The following C10orf88 variants were observed in gnomAD, a reference collection of about 807,000 sequenced individuals.
C10orf88 encodes ATPase PAAT.
A neutral mutation model predicts 34.2 loss-of-function variants in C10orf88; 29 were observed. The ratio of observed to expected loss-of-function variants is 0.85; its 90% CI spans 0.63 to 1.16. The LOEUF (loss-of-function observed/expected upper bound fraction) is 1.16, where lower values mean the gene tolerates loss of function less well. C10orf88 is among the 50% of genes most tolerant of loss of function. C10orf88 has a pLI of 0.00. For synonymous variants in C10orf88, 194 were observed against 197.4 expected (o/e 0.98, Z 0.15); for missense variants, 507 against 533.2 (o/e 0.95, Z 0.48).
chr10:122,948,935 A>G, intron 3 of C10orf88, 80 bp from the exon 4 acceptor site: 1 of 1,226,800 alleles, frequency 8.2e-7, no homozygotes, highest in East Asian at 2.5e-5. Context: ...TATGACCTAA[A>G]CAAGAGTGAA....
chr10:122,951,568 A>C (rs1848689878), intron 3 of C10orf88, among the ~76,000 whole-genome samples: 1 of 152,136 alleles, frequency 6.6e-6, no homozygotes, highest in African/African-American at 2.4e-5. Context: ...ATTTAAAAAA[A>C]AAAAAATTTC....
intron 5 of C10orf88, among the ~76,000 whole-genome samples, chr10:122,934,336 C>A (rs118165281): frequency 0.035 from 5,269 of 152,228 alleles, 141 homozygotes; most frequent in Non-Finnish European, 0.053. Context: ...TATTGTCATA[C>A]CTACTCCCCT....
rs892535577 is a variant in C10orf88 at position 122,953,907 on chromosome 10, C to G, written c.164+108G>C. On this transcript the variant is annotated intron_variant, in intron 1 of 5. Transcript: ENST00000481909. ...TCCCCAACTAGAGACCTGGTACCAACTGCTCTCCCGGATCCCGGGCTCAGA... is the reference window on the plus strand; with the variant it reads ...TCCCCAACTAGAGACCTGGTACCAAGTGCTCTCCCGGATCCCGGGCTCAGA... 6 of 1,029,974 alleles carry G rather than the reference C, an allele frequency of 5.8e-6. No homozygotes were observed. In the African/African-American group the frequency reaches 1.1e-4, roughly 18 times the overall value. The allele number at this position is 1,029,974 out of a possible 1,614,324, so 63.8% of individuals were successfully genotyped here. A position where few individuals can be genotyped will look rare whatever the true frequency, so the allele number is the denominator to read the frequency against.
intron 4 of C10orf88, among the ~76,000 whole-genome samples, chr10:122,944,186 T>G (rs1281521961): frequency 2.0e-5 from 3 of 151,940 alleles, no homozygotes; most frequent in Non-Finnish European, 4.4e-5. Context: ...CATGGAATAC[T>G]ATGCAGCCAT....
chr10:122,949,085 T>C (rs990300834), intron 3 of C10orf88, among the ~76,000 whole-genome samples: 5 of 152,164 alleles, frequency 3.3e-5, no homozygotes, highest in African/African-American at 7.2e-5. Context: ...TAAGACTTCA[T>C]GTAAAATAAC....
chr10:122,948,980 T>G, intron 3 of C10orf88, 125 bp from the exon 4 acceptor site: 2 of 850,690 alleles, frequency 2.4e-6, no homozygotes, highest in Non-Finnish European at 3.5e-6. Context: ...TTCAAGTATA[T>G]TTTAAACTTT....
At chr10:122,940,909 TTACA>T (rs1191345461) in intron 4 of C10orf88, among the ~76,000 whole-genome samples, 3 of 152,090 alleles carry the variant, frequency 2.0e-5, no homozygotes, top group Admixed American at 1.3e-4. Flanking sequence ...GTCCATATAC[TTACA>T]AAGATATGTG....
At chr10:122,941,891 C>T (rs1240449130) in intron 4 of C10orf88, among the ~76,000 whole-genome samples, 1 of 151,998 alleles carries the variant, frequency 6.6e-6, no homozygotes, top group Non-Finnish European at 1.5e-5. Context: ...GGGGGAGAGC[C>T]TTCTGTGTTG....
intron 4 of C10orf88, among the ~76,000 whole-genome samples, chr10:122,947,754 G>C (rs1361707776): frequency 6.6e-6 from 1 of 151,924 alleles, no homozygotes; most frequent in East Asian, 1.9e-4. Context: ...TCCTCCTTTG[G>C]GCTGCATTTA....
chr10:122,935,989 T>C (rs540600439), intron 5 of C10orf88, among the ~76,000 whole-genome samples: 2 of 151,900 alleles, frequency 1.3e-5, no homozygotes, highest in African/African-American at 2.4e-5. Context: ...ACAGAATGAG[T>C]TGGAACATCT....
chr10:122,931,874 A>G lies in C10orf88; in HGVS notation c.*553T>C, dbSNP rs1478938899. 6.6e-6 allele frequency: 1 copy of G among 152,646 alleles called. No individual in the cohort carries two copies. The highest frequency in any genetic ancestry group is 1.5e-5 in the Non-Finnish European group (1 of 68,074). The allele number at this position is 152,646 out of a possible 1,614,324, so 9.5% of individuals were successfully genotyped here. On this transcript the variant is annotated 3_prime_UTR_variant, in exon 6 of 6. Transcript: ENST00000481909. ...CCTACAGCTACTCTGTAATGAAACA[A>G]ATAATATTAACAACCCCAGAGTGAA...
At position 122,948,818 on chromosome 10, in the gene C10orf88, C is replaced by G. The variant is rs1848664292; in HGVS notation, c.479G>C (p.Ser160Thr). The change falls in exon 4 of 6, where the codon AGT becomes ACT. Residue 160 changes from serine (S) to threonine (T), a missense_variant. Transcript: ENST00000481909. ...SFGERQCVFI[S>T]KVVVHMRSVF... Reference sequence around the variant, plus strand: ...TGATCTCATGTGTACCACAACTTTACTGATGAACACACACTGCCTTTCGCC... The same window carrying G: ...TGATCTCATGTGTACCACAACTTTAGTGATGAACACACACTGCCTTTCGCC... 6.2e-7 allele frequency: 1 copy of G among 1,613,388 alleles called. No homozygotes were observed. Among genetic ancestry groups the G allele is most frequent in the Non-Finnish European group, 8.5e-7 (1 of 1,179,854 alleles).
In C10orf88 at chr10:122,938,146, A is replaced by G; in HGVS notation, c.662T>C (p.Ile221Thr). The G allele has an allele frequency of 6.3e-7, 1 of 1,596,766 alleles. No individual in the cohort carries two copies. Among genetic ancestry groups the G allele is most frequent in the South Asian group, 1.1e-5 (1 of 88,794 alleles). Residue 221 changes from isoleucine (I) to threonine (T), a missense_variant, in exon 5 of 6, where the codon ATT (isoleucine) becomes ACT (threonine). Ile to Thr is a moderately conservative substitution (Grantham distance 89, BLOSUM62 -1). Coordinates refer to ENST00000481909, the MANE Select transcript of C10orf88 (RefSeq NM_024942.4). ...VRCQQRNCIP[I>T]GEQLQSVLGN... ...CAACACCGACTGAAGCTGCTCTCCAATGGGAATACAATTCTAAACAAGGTA... is the reference window on the plus strand; with the variant it reads ...CAACACCGACTGAAGCTGCTCTCCAGTGGGAATACAATTCTAAACAAGGTA...
At chr10:122,933,524 T>C (rs1848505361) in intron 5 of C10orf88, 1 of 152,190 alleles carries the variant, frequency 6.6e-6, no homozygotes, top group South Asian at 2.1e-4. Flanking sequence ...TCCATGATTC[T>C]TTTGGGAATT....
chr10:122,940,165 G>C (rs994619990), intron 4 of C10orf88, among the ~76,000 whole-genome samples: 5 of 152,040 alleles, frequency 3.3e-5, no homozygotes, highest in African/African-American at 4.8e-5. Context: ...TCCATTGACT[G>C]ATGTATTGAT....
intron 3 of C10orf88, 89 bp downstream of exon 3, chr10:122,951,865 T>A: frequency 7.5e-6 from 6 of 797,252 alleles, no homozygotes. Context: ...CAAGTTGGAC[T>A]AATTGTATTA....
intron 3 of C10orf88, 139 bp from the exon 4 acceptor site, chr10:122,948,994 C>G (rs1848666081): frequency 5.4e-6 from 4 of 734,230 alleles, no homozygotes; most frequent in Non-Finnish European, 8.4e-6. Context: ...AAACTTTTCT[C>G]TAGAACAGCA....
intron 4 of C10orf88, among the ~76,000 whole-genome samples, chr10:122,942,277 T>C (rs186003367): frequency 5.3e-5 from 8 of 152,106 alleles, no homozygotes; most frequent in Non-Finnish European, 8.8e-5. Context: ...AAAAACCACA[T>C]GATTATCTCA....
chr10:122,953,435 G>C (rs946035589), intron 1 of C10orf88, among the ~76,000 whole-genome samples: 1 of 152,058 alleles, frequency 6.6e-6, no homozygotes, highest in East Asian at 1.9e-4. Context: ...ACCTTCCCAA[G>C]CATCCAAGAA....
Sources: allele counts gnomAD v4.1 joint callset (sites outside exome capture counted in the v4.1 genomes callset), GRCh38; gene constraint gnomAD v4.1.1; transcripts MANE v1.5; gene names NCBI Gene and HGNC (gene_info 2026-07-23, HGNC 2026-07-21).